PDE4D: variants seen among roughly 807,000 people sequenced by gnomAD.
PDE4D encodes the protein 3',5'-cyclic-AMP phosphodiesterase 4D.
A neutral mutation model predicts 87.4 loss-of-function variants in PDE4D; 24 were observed. The ratio of observed to expected loss-of-function variants is 0.27; its 90% CI spans 0.20 to 0.39. The LOEUF is 0.39. Among genes scored for constraint, PDE4D ranks in the 10% least tolerant of loss-of-function variants. PDE4D has a pLI of 1.00. For synonymous variants in PDE4D, 384 were observed against 383.2 expected (o/e 1.00, Z -0.02); for missense variants, 714 against 1,041.0 (o/e 0.69, Z 4.32).
chr5:59,937,498 C>T (rs1030450114), intron 3 of PDE4D, among the ~76,000 whole-genome samples: 1 of 152,170 alleles, frequency 6.6e-6, no homozygotes, highest in African/African-American at 2.4e-5. Flanking sequence ...ATCTGTGTGT[C>T]AGCATGGTCA....
At chr5:60,336,027 G>T (rs527939443) in intron 1 of PDE4D, among the ~76,000 whole-genome samples, 1 of 152,228 alleles carries the variant, frequency 6.6e-6, no homozygotes, top group East Asian at 1.9e-4. Flanking sequence ...AGCCTCACAG[G>T]GTAGGTTATT....
At chr5:59,191,587 T>C (rs534093856) in intron 3 of PDE4D, among the ~76,000 whole-genome samples, 3 of 152,112 alleles carry the variant, frequency 2.0e-5, no homozygotes, top group Non-Finnish European at 4.4e-5. Flanking sequence ...TTTTTTTTTC[T>C]TGACAGAGTC....
chr5:60,225,841 T>C (rs1309025485), intron 1 of PDE4D, among the ~76,000 whole-genome samples: 1 of 152,100 alleles, frequency 6.6e-6, no homozygotes, highest in Non-Finnish European at 1.5e-5. Context: ...ATAGAAAAAC[T>C]GAGGCACAGA....
At chr5:59,013,431 A>T (rs1311187766) in intron 6 of PDE4D, among the ~76,000 whole-genome samples, 3 of 152,192 alleles carry the variant, frequency 2.0e-5, no homozygotes, top group Non-Finnish European at 4.4e-5. Context: ...AAATGAGAGA[A>T]GAATCAAATA....
At chr5:59,870,178 A>G (rs1445322995) in intron 1 of PDE4D, among the ~76,000 whole-genome samples, 1 of 152,244 alleles carries the variant, frequency 6.6e-6, no homozygotes, top group African/African-American at 2.4e-5. Flanking sequence ...CATTAATGAG[A>G]GCAAATTATT....
chr5:60,323,682 T>C (rs1481144117), intron 1 of PDE4D, among the ~76,000 whole-genome samples: 1 of 151,964 alleles, frequency 6.6e-6, no homozygotes, highest in Admixed American at 6.6e-5. Flanking sequence ...GGATTAAATA[T>C]CCTTACTACC....
chr5:60,324,223 ATGTGC>A (rs969038269), intron 1 of PDE4D, among the ~76,000 whole-genome samples: 1 of 152,136 alleles, frequency 6.6e-6, no homozygotes, highest in Non-Finnish European at 1.5e-5. Context: ...GTTCTCAGGG[ATGTGC>A]TGTCTCTAAA....
chr5:60,283,678 C>T lies in PDE4D; in HGVS notation c.-89-97991G>A, dbSNP rs142880606. Among the ~76,000 whole-genome samples, 11 of 147,494 alleles carry T rather than the reference C, an allele frequency of 7.5e-5. No individual in the cohort carries two copies. The East Asian group carries it at 2.0e-3, about 27-fold the overall frequency. ...CTTAATGTAGCTTAACACTTTACCT[C>T]ATGGGAGTTACAATAATGGAAAGAA... On this transcript the variant is annotated intron_variant, in intron 1 of 16. Coordinates refer to the PDE4D transcript ENST00000502484.
intron 1 of PDE4D, among the ~76,000 whole-genome samples, chr5:60,469,651 T>C (rs546710403): frequency 4.2e-4 from 64 of 152,350 alleles, no homozygotes; most frequent in South Asian, 1.0e-3. Flanking sequence ...GTAATTCTTA[T>C]AATATTTAAA....
intron 2 of PDE4D, among the ~76,000 whole-genome samples, chr5:60,004,937 C>T (rs1456709263): frequency 1.3e-5 from 2 of 152,100 alleles, no homozygotes; most frequent in Admixed American, 1.3e-4. Context: ...TATGATCCAG[C>T]ACTCTAATGT....
intron 3 of PDE4D, among the ~76,000 whole-genome samples, chr5:59,926,783 A>C (rs1755338343): frequency 6.6e-6 from 1 of 152,168 alleles, no homozygotes; most frequent in Admixed American, 6.5e-5. Context: ...AGAAGAAATG[A>C]ATAAATTCCT....
At chr5:59,645,286 C>T (rs1015972536) in intron 1 of PDE4D, among the ~76,000 whole-genome samples, 1 of 152,138 alleles carries the variant, frequency 6.6e-6, no homozygotes, top group African/African-American at 2.4e-5. Context: ...TGCACAAGCT[C>T]CTTCCTAAGG....
chr5:59,634,063 G>GA (rs34921368), intron 1 of PDE4D, among the ~76,000 whole-genome samples: 13 of 149,936 alleles, frequency 8.7e-5, no homozygotes, highest in East Asian at 3.9e-4. Flanking sequence ...CAAACAGAAA[G>GA]AAAAAAAAAA....
chr5:59,783,150 T>C (rs1764795614), intron 1 of PDE4D, among the ~76,000 whole-genome samples: 1 of 152,230 alleles, frequency 6.6e-6, no homozygotes, highest in African/African-American at 2.4e-5. Context: ...AGGCCTGGTT[T>C]TGGTATTCTT....
chr5:60,460,363 T>G, intron 1 of PDE4D: 2 of 998,840 alleles, frequency 2.0e-6, no homozygotes, highest in African/African-American at 1.6e-5. Context: ...ATCTTCAAAT[T>G]CTGTCATTTC....
At chr5:59,180,142 A>T (rs1016916229) in intron 5 of PDE4D, among the ~76,000 whole-genome samples, 3 of 152,112 alleles carry the variant, frequency 2.0e-5, no homozygotes, top group Admixed American at 1.3e-4. Flanking sequence ...CCTTTATTGG[A>T]CTACTGGTAC....
chr5:59,023,363 G>A (rs1252363159), intron 6 of PDE4D, among the ~76,000 whole-genome samples: 3 of 151,644 alleles, frequency 2.0e-5, no homozygotes, highest in African/African-American at 7.3e-5. Context: ...ATATTCTGAG[G>A]CTGGGTGCAC....
At chr5:60,044,212 C>T (rs1053174281) in intron 2 of PDE4D, among the ~76,000 whole-genome samples, 1 of 151,938 alleles carries the variant, frequency 6.6e-6, no homozygotes, top group African/African-American at 2.4e-5. Flanking sequence ...ACCCCAATTG[C>T]CCCAATAAGA....
chr5:60,337,865 T>TA (rs1757952219), intron 1 of PDE4D, among the ~76,000 whole-genome samples: 1 of 151,570 alleles, frequency 6.6e-6, no homozygotes, highest in Admixed American at 6.6e-5. Context: ...AAGATGAAAA[T>TA]AGAGTTCCTA....
Sources: gnomAD v4.1 joint callset for allele counts (sites outside exome capture counted in the v4.1 genomes callset) on GRCh38, gnomAD v4.1.1 for gene constraint, MANE v1.5 for transcripts, NCBI Gene and HGNC (gene_info 2026-07-23, HGNC 2026-07-21) for gene names.